INSYN2A: variants seen among roughly 807,000 people sequenced by gnomAD.
The protein encoded by INSYN2A is family with sequence similarity 196 member A.
INSYN2A carries 17 observed loss-of-function variants against 39.4 expected under a neutral mutation model. The ratio of observed to expected loss-of-function variants is 0.43; its 90% confidence interval spans 0.30 to 0.65. The LOEUF is 0.65. Ranked by LOEUF, INSYN2A falls within the 30% of genes least tolerant of loss-of-function variation. The pLI, the probability that INSYN2A is intolerant of heterozygous loss-of-function variation, is 0.14. For missense variants in INSYN2A, 595 were observed against 631.2 expected (o/e 0.94, Z 0.61); for synonymous variants, 255 against 265.7 (o/e 0.96, Z 0.39).
intron 2 of INSYN2A, among the ~76,000 whole-genome samples, chr10:127,183,180 T>C (rs2055903567): frequency 6.8e-6 from 1 of 146,574 alleles, no homozygotes; most frequent in Non-Finnish European, 1.5e-5. Flanking sequence ...ATGACTTATA[T>C]CAAAGGAGTC....
At chr10:127,165,041 C>A (rs2053954771) in intron 4 of INSYN2A, among the ~76,000 whole-genome samples, 1 of 152,178 alleles carries the variant, frequency 6.6e-6, no homozygotes, top group Admixed American at 6.5e-5. Context: ...CACTGGCTAT[C>A]AAACTAGAAT....
intron 5 of INSYN2A, among the ~76,000 whole-genome samples, chr10:127,148,189 A>T (rs766999965): frequency 2.0e-5 from 3 of 152,156 alleles, no homozygotes; most frequent in Non-Finnish European, 2.9e-5. Flanking sequence ...GTTCCCATCC[A>T]GTCAGGTTCC....
Position 127,196,513 on chromosome 10 carries a change from G to A in INSYN2A, c.-911C>T, listed in dbSNP as rs1237973280. ...AGGTCCCAGCTACTCCGCGGAGCCGGGCGGCCAGAGGCGAGGGCGCCCCAA... is the reference window on the plus strand; with the variant it reads ...AGGTCCCAGCTACTCCGCGGAGCCGAGCGGCCAGAGGCGAGGGCGCCCCAA... On this transcript the variant is annotated 5_prime_UTR_variant, in exon 1 of 6. Coordinates refer to ENST00000522781, the MANE Select transcript of INSYN2A (RefSeq NM_001039762.3). 6.8e-6 allele frequency among the ~76,000 whole-genome samples: 1 copy of A among 147,948 alleles called. No individual in the cohort carries two copies. Among genetic ancestry groups the A allele is most frequent in the Non-Finnish European group, 1.5e-5 (1 of 66,594 alleles).
chr10:127,164,155 C>T (rs1188313851), intron 4 of INSYN2A, among the ~76,000 whole-genome samples: 16 of 130,928 alleles, frequency 1.2e-4, no homozygotes, highest in South Asian at 5.3e-4. Context: ...CTGTCATTTG[C>T]CTCCTTTTTT....
At chr10:127,172,350 C>T (rs2054653523) in intron 4 of INSYN2A, among the ~76,000 whole-genome samples, 1 of 152,150 alleles carries the variant, frequency 6.6e-6, no homozygotes, top group Non-Finnish European at 1.5e-5. Flanking sequence ...CCCTCCAGAG[C>T]CTGTTGTTCC....
At chr10:127,183,936 C>T (rs1216477348) in intron 2 of INSYN2A, among the ~76,000 whole-genome samples, 1 of 152,092 alleles carries the variant, frequency 6.6e-6, no homozygotes, top group Non-Finnish European at 1.5e-5. Context: ...TAATAAGTAG[C>T]TACTTTTTAA....
intron 4 of INSYN2A, among the ~76,000 whole-genome samples, chr10:127,159,716 C>G (rs1350371535): frequency 6.6e-6 from 1 of 152,046 alleles, no homozygotes; most frequent in Non-Finnish European, 1.5e-5. Context: ...GAGGGCATCA[C>G]GGGTAGACAT....
At chr10:127,174,811 C>G (rs529089847) in intron 4 of INSYN2A, among the ~76,000 whole-genome samples, 12 of 152,208 alleles carry the variant, frequency 7.9e-5, no homozygotes, top group Non-Finnish European at 1.8e-4. Flanking sequence ...CTTCCTAATA[C>G]GATTCCTAAG....
intron 2 of INSYN2A, among the ~76,000 whole-genome samples, chr10:127,192,053 TATG>T (rs1301317595): frequency 1.3e-5 from 2 of 152,230 alleles, no homozygotes; most frequent in Non-Finnish European, 2.9e-5. Context: ...AGCATTTTGA[TATG>T]GTGGGGTTTT....
chr10:127,161,059 G>A (rs2053551890), intron 4 of INSYN2A, among the ~76,000 whole-genome samples: 2 of 152,180 alleles, frequency 1.3e-5, no homozygotes, highest in Admixed American at 1.3e-4. Context: ...TCCCTCCTAT[G>A]TTTGAGAGCC....
At chr10:127,195,790 G>A (rs535464042) in intron 1 of INSYN2A, among the ~76,000 whole-genome samples, 5 of 152,170 alleles carry the variant, frequency 3.3e-5, no homozygotes, top group Non-Finnish European at 5.9e-5. Context: ...GCATAACCTT[G>A]CCCCCCACCT....
intron 4 of INSYN2A, among the ~76,000 whole-genome samples, chr10:127,167,977 CAT>C (rs1177570095): frequency 6.6e-6 from 1 of 152,220 alleles, no homozygotes; most frequent in Non-Finnish European, 1.5e-5. Context: ...TGAGTGCAAA[CAT>C]AGCCTGAGGA....
At position 127,157,273 on chromosome 10, in the gene INSYN2A, C is replaced by T. The variant is rs966871545; in HGVS notation, c.1185-3350G>A. ...GATGTTGCAAACACAAAGACCGTCA[C>T]GTGTTAACATCCTGCAGTGGGAATG... On this transcript the variant is annotated intron_variant, in intron 4 of 5. Coordinates refer to ENST00000522781, the MANE Select transcript of INSYN2A (RefSeq NM_001039762.3). Among the ~76,000 whole-genome samples, 24 of 152,250 alleles carry T rather than the reference C, an allele frequency of 1.6e-4. 1 individual carries two copies. Among genetic ancestry groups the T allele is most frequent in the African/African-American group, 2.4e-4 (10 of 41,548 alleles).
intron 2 of INSYN2A, among the ~76,000 whole-genome samples, chr10:127,182,051 A>C (rs1489831111): frequency 6.6e-6 from 1 of 152,174 alleles, no homozygotes; most frequent in East Asian, 1.9e-4. Flanking sequence ...TGTGTGACTG[A>C]GCAATGCGTG....
In INSYN2A at chr10:127,175,537, C is replaced by G. The variant is rs149479141; in HGVS notation, c.859G>C (p.Glu287Gln). ...TTGAGATGTGTGGCTCTCCTCCGCT[C>G]GTCATCTGCCGGGCAGAGTGACCAC... Reference protein sequence around the residue: ...SQWSLCPADDERRRATHLNGL... With the variant: ...SQWSLCPADDQRRRATHLNGL... The change falls in exon 4 of 6, where the codon GAG (glutamate) becomes CAG (glutamine). Residue 287 changes from glutamate to glutamine, a missense_variant. Glu to Gln is a conservative substitution (Grantham distance 29). Around this residue, in one of 2 missense-constraint regions of INSYN2A, gnomAD observed 478 missense variants for 467.4 expected, o/e 1.02. Coordinates refer to ENST00000522781, the MANE Select transcript of INSYN2A (RefSeq NM_001039762.3). The surrounding 1 kb of genome is among the most constrained non-coding windows in gnomAD (Gnocchi z 6.3). 210 of 1,610,504 alleles carry G rather than the reference C, an allele frequency of 1.3e-4. No individual in the cohort carries two copies. Among genetic ancestry groups the G allele is most frequent in the Non-Finnish European group, 1.7e-4 (201 of 1,180,018 alleles).
At chr10:127,184,392 A>G (rs2056028932) in intron 2 of INSYN2A, among the ~76,000 whole-genome samples, 1 of 128,422 alleles carries the variant, frequency 7.8e-6, no homozygotes, top group Non-Finnish European at 1.5e-5. Context: ...TGCTTCTCCT[A>G]CTGATTTCTT....
chr10:127,159,493 A>T (rs1010827971), intron 4 of INSYN2A, among the ~76,000 whole-genome samples: 1 of 152,130 alleles, frequency 6.6e-6, no homozygotes, highest in Non-Finnish European at 1.5e-5. Context: ...ACATACCTGA[A>T]TTTTTTTGTG....
chr10:127,155,372 C>T (rs1296204129), intron 4 of INSYN2A, among the ~76,000 whole-genome samples: 1 of 152,136 alleles, frequency 6.6e-6, no homozygotes, highest in Non-Finnish European at 1.5e-5. Flanking sequence ...ATCAAGTGAC[C>T]ATATTCTGCT....
chr10:127,164,127 C>G (rs1267116564), intron 4 of INSYN2A, among the ~76,000 whole-genome samples: 1 of 146,148 alleles, frequency 6.8e-6, no homozygotes, highest in African/African-American at 2.5e-5. Flanking sequence ...CTCTTTCTCC[C>G]TTGGCCCTTT....
Sources: allele counts gnomAD v4.1 joint callset (sites outside exome capture counted in the v4.1 genomes callset), GRCh38; gene constraint gnomAD v4.1.1; regional missense constraint gnomAD v4.1.1; non-coding constraint Gnocchi (gnomAD v3.1); transcripts MANE v1.5; gene names NCBI Gene and HGNC (gene_info 2026-07-23, HGNC 2026-07-21).